The following REL variants were observed in gnomAD, a reference collection of about 807,000 sequenced individuals.
REL encodes the protein proto-oncogene c-Rel.
REL carries 15 observed loss-of-function variants against 45.9 expected under a neutral mutation model. The observed-to-expected ratio is 0.33, with a 90% CI of 0.22 to 0.50. The LOEUF is 0.50. REL is among the 20% of genes least tolerant of loss of function. REL has a pLI of 0.98. For missense variants in REL, 601 were observed against 715.2 expected (o/e 0.84, Z 1.82); for synonymous variants, 239 against 242.1 (o/e 0.99, Z 0.12).
At chr2:60,882,590 G>T (rs886377443) in intron 1 of REL, among the ~76,000 whole-genome samples, 1 of 151,994 alleles carries the variant, frequency 6.6e-6, no homozygotes, top group Admixed American at 6.6e-5. Flanking sequence ...CAGGAGAATC[G>T]CTTGAACCTG....
chr2:60,930,641 C>T lies in REL; in HGVS notation c.*8106C>T, dbSNP rs1674365758. On this transcript the variant is annotated 3_prime_UTR_variant, in exon 10 of 10. Transcript: ENST00000394479. ...ATGTTTTTCATGCATGCAAAAAGCA[C>T]AGACAAAACCACTCATGCCCTATTA... is the stretch of plus-strand genomic sequence containing the variant. 6.6e-6 allele frequency: 1 copy of T among 150,884 alleles called. No individual in the cohort carries two copies. The highest frequency in any genetic ancestry group is 1.5e-5 in the Non-Finnish European group (1 of 67,286). The allele number at this position is 150,884 out of a possible 1,614,324, so 9.3% of individuals were successfully genotyped here.
At chr2:60,914,781 A>G (rs776206909) in intron 4 of REL, among the ~76,000 whole-genome samples, 8 of 151,790 alleles carry the variant, frequency 5.3e-5, no homozygotes, top group Admixed American at 1.3e-4. Flanking sequence ...CTTTTGCTCA[A>G]CATGGTTTTG....
rs1291658597 is a variant in REL, at chr2:60,922,009, C to T, written c.1238C>T (p.Pro413Leu). The change falls in exon 10 of 10, where the codon CCA (proline) becomes CTA (leucine). Residue 413 changes from proline to leucine, a missense_variant. Physicochemically the swap from Pro to Leu is moderately conservative, Grantham distance 98 (BLOSUM62 -3). Transcript: ENST00000394479. ...CCTTCTAATTCGCAAGGTATCCCAC[C>T]ATTCCTGAGAATACCTGTTGGGAAT... ...TLPSNSQGIP[P>L]FLRIPVGNDL... 9 of 1,614,074 alleles carry T rather than the reference C, an allele frequency of 5.6e-6. No homozygotes were observed. Among genetic ancestry groups the T allele is most frequent in the African/African-American group, 1.3e-5 (1 of 74,920 alleles).
chr2:60,927,789 T>C lies in REL; in HGVS notation c.*5254T>C, dbSNP rs955434641. Reference sequence around the variant, plus strand: ...TTTAAATGTACAGCTTAATTAATTTTTATGTATGTTAACACCCATGTCACC... The same window carrying C: ...TTTAAATGTACAGCTTAATTAATTTCTATGTATGTTAACACCCATGTCACC... On this transcript the variant is annotated 3_prime_UTR_variant, in exon 10 of 10. Coordinates refer to ENST00000394479, the MANE Select transcript of REL (RefSeq NM_001291746.2). 8.8e-6 allele frequency: 2 copies of C among 228,170 alleles called. No homozygotes were observed. The highest frequency in any genetic ancestry group is 4.4e-5 in the African/African-American group (2 of 45,036). The allele number at this position is 228,170 out of a possible 1,614,324, so 14.1% of individuals were successfully genotyped here.
At chr2:60,920,510 G>A in intron 8 of REL, 64 bp from the exon 9 acceptor site, 1 of 1,340,400 alleles carries the variant, frequency 7.5e-7, no homozygotes, top group Non-Finnish European at 1.1e-6. Flanking sequence ...CAGTTTTTCA[G>A]ATTTTAACTG....
intron 1 of REL, among the ~76,000 whole-genome samples, chr2:60,889,400 A>G (rs978205860): frequency 6.6e-6 from 1 of 152,210 alleles, no homozygotes; most frequent in Non-Finnish European, 1.5e-5. Context: ...TTGGGATACC[A>G]CCATAGTATC....
intron 7 of REL, 103 bp downstream of exon 7, chr2:60,918,709 T>C: frequency 2.6e-6 from 2 of 776,190 alleles, no homozygotes; most frequent in Non-Finnish European, 4.2e-6. Context: ...ATATTCATAA[T>C]TTATGTTTCT....
At chr2:60,914,954 C>T (rs1212843228) in intron 4 of REL, among the ~76,000 whole-genome samples, 1 of 151,748 alleles carries the variant, frequency 6.6e-6, no homozygotes, top group Non-Finnish European at 1.5e-5. Flanking sequence ...GCCTCAGCCT[C>T]CCAAGTAGCT....
rs567156869 is a variant in REL, at chr2:60,921,938, C to T, written c.1167C>T (p.Arg389=). Residue 389 remains arginine, a synonymous_variant, in exon 10 of 10, where the codon CGC becomes CGT. Transcript: ENST00000394479. The part of the protein sequence containing the change: ...SWSSVAHPTP[R]SGNTNPLSSF... The stretch of plus-strand genomic sequence containing the variant: ...CATCAGTGGCCCACCCCACCCCACG[C>T]TCAGGCAATACAAACCCACTGAGTA... The T allele has an allele frequency of 9.3e-6, 15 of 1,614,146 alleles. No homozygotes were observed. The African/African-American group carries it at 1.9e-4, about 20-fold the overall frequency.
chr2:60,889,736 A>G (rs927481450), intron 1 of REL, among the ~76,000 whole-genome samples: 1 of 151,776 alleles, frequency 6.6e-6, no homozygotes, highest in Non-Finnish European at 1.5e-5. Context: ...TGTCCTCACG[A>G]TAGTTTCCAG....
intron 7 of REL, among the ~76,000 whole-genome samples, chr2:60,918,993 A>G (rs928030149): frequency 1.3e-5 from 2 of 152,100 alleles, no homozygotes; most frequent in Non-Finnish European, 2.9e-5. Flanking sequence ...GGGTTTCACC[A>G]TGTTGGCTAG....
rs1673298837 is a variant in REL, at chr2:60,894,526, C to G, written c.283C>G (p.Gln95Glu). 1 of 1,602,374 alleles carries G rather than the reference C, an allele frequency of 6.2e-7. No individual in the cohort carries two copies. Among genetic ancestry groups the G allele is most frequent in the African/African-American group, 1.3e-5 (1 of 74,400 alleles). Reference protein sequence around the residue: ...RDGYYEAEFGQERRPLFFQNL... With the variant: ...RDGYYEAEFGEERRPLFFQNL... ...CGGCTACTATGAAGCAGAATTTGGACAAGAACGCAGACCTTTGTTGTAAGT... is the reference window on the plus strand; with the variant it reads ...CGGCTACTATGAAGCAGAATTTGGAGAAGAACGCAGACCTTTGTTGTAAGT... Residue 95 changes from glutamine (Q) to glutamate (E), a missense_variant, in exon 3 of 10, where the codon CAA (glutamine) becomes GAA (glutamate). Coordinates refer to ENST00000394479, the MANE Select transcript of REL (RefSeq NM_001291746.2).
chr2:60,914,678 G>A (rs1041695857), intron 4 of REL, among the ~76,000 whole-genome samples: 1 of 152,050 alleles, frequency 6.6e-6, no homozygotes, highest in Admixed American at 6.6e-5. Flanking sequence ...CTCTGCCTCA[G>A]GCAATTACTA....
At position 60,930,821 on chromosome 2, in the gene REL, T is replaced by C. The variant is rs1244894502; in HGVS notation, c.*8286T>C. 6.6e-6 allele frequency: 1 copy of C among 152,358 alleles called. No homozygotes were observed. Among genetic ancestry groups the C allele is most frequent in the Non-Finnish European group, 1.5e-5 (1 of 68,036 alleles). The allele number at this position is 152,358 out of a possible 1,614,324, so 9.4% of individuals were successfully genotyped here. On this transcript the variant is annotated 3_prime_UTR_variant, in exon 10 of 10. Transcript: ENST00000394479. ...TTCTTATCAGTTGTTTCCACAACTT[T>C]AGTTTACTATTGGACTTTCAAAAAT...
At chr2:60,913,765 T>G (rs1354013281) in intron 4 of REL, among the ~76,000 whole-genome samples, 2 of 152,218 alleles carry the variant, frequency 1.3e-5, no homozygotes, top group Non-Finnish European at 2.9e-5. Flanking sequence ...CCTTGTTAGC[T>G]CTCTAATGTC....
In REL at chr2:60,881,861, A is replaced by G. The variant is rs842650; in HGVS notation, c.10+11A>G. On this transcript the variant is annotated intron_variant, in intron 1 of 9. Coordinates refer to ENST00000394479, the MANE Select transcript of REL (RefSeq NM_001291746.2). ...GAGCCATGGCCTCCGGTGAGTGTTC[A>G]TGGGGCGCGGGCCTGGGCCGGGGGA... 1.3e-6 allele frequency: 2 copies of G among 1,488,340 alleles called. No homozygotes were observed. The highest frequency in any genetic ancestry group is 8.9e-7 in the Non-Finnish European group (1 of 1,119,114). 92.2% of individuals were successfully genotyped at this position (1,488,340 alleles called of 1,614,324 possible).
rs981813677 is a variant in REL, at chr2:60,910,549, C to G, written c.395-6328C>G. The stretch of plus-strand genomic sequence containing the variant: ...AGTTATTACCTTATATTTTGACTAA[C>G]TACAAAGTGAAATTTTAAACTAGTT... On this transcript the variant is annotated intron_variant, in intron 4 of 9. Coordinates refer to ENST00000394479, the MANE Select transcript of REL (RefSeq NM_001291746.2). Among the ~76,000 whole-genome samples the G allele has an allele frequency of 4.0e-5, 6 of 150,730 alleles. No individual in the cohort carries two copies. In the South Asian group the frequency reaches 1.0e-3, roughly 26 times the overall value.
At chr2:60,904,425 G>C (rs1453789496) in intron 4 of REL, among the ~76,000 whole-genome samples, 1 of 149,944 alleles carries the variant, frequency 6.7e-6, no homozygotes, top group African/African-American at 2.5e-5. Context: ...AAAAAAATTA[G>C]CCGGGCGTGG....
intron 4 of REL, among the ~76,000 whole-genome samples, chr2:60,904,395 C>G (rs1415733075): frequency 5.4e-5 from 8 of 147,124 alleles, no homozygotes; most frequent in Non-Finnish European, 1.2e-4. Context: ...GAACGAGACT[C>G]TGTCTCAATT....
Sources: gnomAD v4.1 joint callset for allele counts (sites outside exome capture counted in the v4.1 genomes callset) on GRCh38, gnomAD v4.1.1 for gene constraint, MANE v1.5 for transcripts, NCBI Gene and HGNC (gene_info 2026-07-23, HGNC 2026-07-21) for gene names.